Variants in SH3KBP1 observed in about 807,000 individuals in gnomAD.
The protein encoded by SH3KBP1 is SH3 domain-containing kinase-binding protein 1.
A neutral mutation model predicts 50.1 loss-of-function variants in SH3KBP1; 8 were observed. That is an observed-to-expected ratio of 0.16 (90% CI 0.09 to 0.29). SH3KBP1 has a LOEUF of 0.29. SH3KBP1 is among the 10% of genes least tolerant of loss of function. The pLI, the probability that SH3KBP1 is intolerant of heterozygous loss-of-function variation, is 1.00. For missense variants in SH3KBP1, 377 were observed against 535.2 expected (o/e 0.70, Z 2.92); for synonymous variants, 227 against 218.6 (o/e 1.04, Z -0.34).
In SH3KBP1 at chrX:19,552,331, A is replaced by C. The variant is rs984561907; in HGVS notation, c.1385-2248T>G. Among the ~76,000 whole-genome samples, 54 of 110,433 alleles carry C rather than the reference A, an allele frequency of 4.9e-4. 1 individual carries two copies. The highest frequency in any genetic ancestry group is 1.6e-3 in the African/African-American group (48 of 30,316). On this transcript the variant is annotated intron_variant, in intron 13 of 17. Transcript: ENST00000397821. ...GCAGATCTCCAACTGTTCTGGAAGA[A>C]GGAAATAAGGCCCAGGACAGGGAGG...
intron 14 of SH3KBP1, among the ~76,000 whole-genome samples, chrX:19,547,425 CG>C (rs1177624983): frequency 9.0e-6 from 1 of 111,540 alleles, no homozygotes; most frequent in Non-Finnish European, 1.9e-5. Context: ...CCAAAAATAT[CG>C]TATGTTTTCT....
At chrX:19,553,593 T>C (rs2065305039) in intron 13 of SH3KBP1, among the ~76,000 whole-genome samples, 2 of 108,386 alleles carry the variant, frequency 1.8e-5, no homozygotes, top group Admixed American at 1.0e-4. Flanking sequence ...AAGTGGCTCC[T>C]AGCGGGATGT....
At chrX:19,658,119 G>A (rs1368876674) in intron 6 of SH3KBP1, among the ~76,000 whole-genome samples, 1 of 111,698 alleles carries the variant, frequency 9.0e-6, no homozygotes, top group African/African-American at 3.3e-5. Context: ...TCTCTGGCCA[G>A]GAATGTCGAT....
intron 16 of SH3KBP1, among the ~76,000 whole-genome samples, chrX:19,537,990 A>C (rs968285180): frequency 9.0e-6 from 1 of 111,524 alleles, no homozygotes; most frequent in Middle Eastern, 4.6e-3. Flanking sequence ...TAAAATATGT[A>C]GCCAGCAACT....
rs1555990522 is a variant in SH3KBP1, at chrX:19,567,557, A to AATATATATATAT, written c.1384+1534_1384+1545dup. On this transcript the variant is annotated intron_variant, in intron 13 of 17. Transcript: ENST00000397821. ...AAAAAAAAAAAAAAAAAAAAAAAAA[A>AATATATATATAT]ATATATATATATATATTGCATAGAG... Among the ~76,000 whole-genome samples the AATATATATATAT allele has an allele frequency of 1.3e-3, 46 of 35,085 alleles. 2 individuals carry two copies. The highest frequency in any genetic ancestry group is 6.5e-3 in the African/African-American group (38 of 5,874). The allele number at this position is 35,085 out of a possible 115,157, so 30.5% of individuals were successfully genotyped here.
chrX:19,782,555 G>A (rs766992748), intron 2 of SH3KBP1, among the ~76,000 whole-genome samples: 2 of 111,453 alleles, frequency 1.8e-5, no homozygotes, highest in African/African-American at 6.5e-5. Context: ...GGCTTTGTAC[G>A]CACACACCAA....
At chrX:19,698,049 A>G (rs1412404971) in intron 4 of SH3KBP1, among the ~76,000 whole-genome samples, 3 of 112,064 alleles carry the variant, frequency 2.7e-5, no homozygotes, top group Non-Finnish European at 5.6e-5. Context: ...ACTGACACAT[A>G]TTATTTTTTC....
At chrX:19,761,503 A>C (rs1603212509) in intron 2 of SH3KBP1, among the ~76,000 whole-genome samples, 1 of 111,871 alleles carries the variant, frequency 8.9e-6, no homozygotes, top group African/African-American at 3.2e-5. Flanking sequence ...ACATTGCTAC[A>C]TTAATGAAAA....
chrX:19,572,034 T>TC (rs1169659207), intron 12 of SH3KBP1, among the ~76,000 whole-genome samples: 1 of 110,434 alleles, frequency 9.1e-6, no homozygotes, highest in Non-Finnish European at 1.9e-5. Flanking sequence ...AGCTGCTGTT[T>TC]CCCTCTGCGA....
At chrX:19,846,436 G>C (rs1431626292) in intron 1 of SH3KBP1, among the ~76,000 whole-genome samples, 1 of 112,407 alleles carries the variant, frequency 8.9e-6, no homozygotes, top group Non-Finnish European at 1.9e-5. Flanking sequence ...GGAGAAGAAA[G>C]TATGCTGCTT....
chrX:19,832,519 G>T lies in SH3KBP1; in HGVS notation c.162+3606C>A, dbSNP rs769550207. Reference sequence around the variant, plus strand: ...GGGACTCGAAACAAGGAAGCCCCCAGACCTGAAGGAATGAGGAGAGAGGGG... The same window carrying T: ...GGGACTCGAAACAAGGAAGCCCCCATACCTGAAGGAATGAGGAGAGAGGGG... On this transcript the variant is annotated intron_variant, in intron 2 of 17. Transcript: ENST00000397821. Among the ~76,000 whole-genome samples the T allele has an allele frequency of 8.1e-5, 9 of 111,541 alleles. No homozygotes were observed. In the South Asian group the frequency reaches 1.5e-3, roughly 19 times the overall value.
At chrX:19,639,151 C>T (rs925475395) in intron 7 of SH3KBP1, among the ~76,000 whole-genome samples, 1 of 111,255 alleles carries the variant, frequency 9.0e-6, no homozygotes, top group Non-Finnish European at 1.9e-5. Context: ...TAAATTGAGA[C>T]GGAGAAATGA....
In SH3KBP1 at chrX:19,790,266, C is replaced by T. The variant is rs191432476; in HGVS notation, c.163-43825G>A. 1.2e-3 allele frequency among the ~76,000 whole-genome samples: 139 copies of T among 112,307 alleles called. 1 individual carries two copies. Among genetic ancestry groups the T allele is most frequent in the Non-Finnish European group, 2.2e-3 (118 of 53,234 alleles). ...GGTTCACAGAATCATCTTCAAACAT[C>T]TACCATCCTCTGCTCCTTCAGATAC... On this transcript the variant is annotated intron_variant, in intron 2 of 17. Transcript: ENST00000397821.
intron 13 of SH3KBP1, among the ~76,000 whole-genome samples, chrX:19,562,372 G>A (rs1333879712): frequency 9.0e-6 from 1 of 111,079 alleles, no homozygotes; most frequent in African/African-American, 3.3e-5. Context: ...CCAAATAAAT[G>A]CCATGTGAGA....
At chrX:19,616,250 C>T (rs1313859737) in intron 8 of SH3KBP1, among the ~76,000 whole-genome samples, 1 of 111,910 alleles carries the variant, frequency 8.9e-6, no homozygotes, top group African/African-American at 3.3e-5. Flanking sequence ...GTGTGAGCCA[C>T]CACGCCTGAC....
rs146942790 is a variant in SH3KBP1 at position 19,698,669 on chromosome X, G to C, written c.391-2928C>G. 4.2e-4 allele frequency among the ~76,000 whole-genome samples: 47 copies of C among 111,966 alleles called. 1 individual carries two copies. The East Asian group carries it at 0.013, about 32-fold the overall frequency. ...GGGGGTGGCCCCAGTACCAGTGAGA[G>C]TCGTTCAGTACTATTTCCTTCTATA... On this transcript the variant is annotated intron_variant, in intron 4 of 17. Transcript: ENST00000397821.
chrX:19,544,625 C>G (rs941006805), intron 15 of SH3KBP1, among the ~76,000 whole-genome samples: 6 of 112,005 alleles, frequency 5.4e-5, no homozygotes, highest in African/African-American at 1.9e-4. Flanking sequence ...CCACCAGTGC[C>G]TTTGCACTGA....
At chrX:19,565,802 G>A (rs1250363799) in intron 13 of SH3KBP1, among the ~76,000 whole-genome samples, 2 of 111,875 alleles carry the variant, frequency 1.8e-5, no homozygotes, top group Non-Finnish European at 3.8e-5. Flanking sequence ...CACCAGGGTT[G>A]TAATCAGCTA....
chrX:19,790,750 A>T (rs2066506560), intron 2 of SH3KBP1, among the ~76,000 whole-genome samples: 1 of 110,749 alleles, frequency 9.0e-6, no homozygotes, highest in Admixed American at 9.6e-5. Flanking sequence ...TGATTATAAC[A>T]TGTTACATTT....
Sources: gnomAD v4.1 joint callset for allele counts (sites outside exome capture counted in the v4.1 genomes callset) on GRCh38, gnomAD v4.1.1 for gene constraint, MANE v1.5 for transcripts, NCBI Gene and HGNC (gene_info 2026-07-23, HGNC 2026-07-21) for gene names.